Variants in KANK1 observed in about 807,000 individuals in gnomAD.
KANK1 encodes the protein KN motif and ankyrin repeat domain-containing protein 1.
KANK1 carries 109 observed loss-of-function variants against 106.2 expected under a neutral mutation model. The ratio of observed to expected loss-of-function variants is 1.03; its 90% CI spans 0.88 to 1.20. The LOEUF (loss-of-function observed/expected upper bound fraction) is 1.20. KANK1 is among the 50% of genes most tolerant of loss of function. KANK1 has a pLI of 0.00. For synonymous variants in KANK1, 873 were observed against 652.2 expected, an observed-to-expected ratio of 1.34 and a Z score of -5.16; for missense variants, 2,399 against 1,710.7, an observed-to-expected ratio of 1.40 and a Z score of -7.10.
At chr9:586,092 CATT>C (rs1179547533) in intron 1 of KANK1, among the ~76,000 whole-genome samples, 1 of 152,134 alleles carries the variant, frequency 6.6e-6, no homozygotes, top group Non-Finnish European at 1.5e-5. Context: ...CATAAGATGT[CATT>C]ATTATTTTAC....
At chr9:573,813 A>C (rs990040162) in intron 1 of KANK1, among the ~76,000 whole-genome samples, 3 of 151,796 alleles carry the variant, frequency 2.0e-5, no homozygotes, top group Non-Finnish European at 4.4e-5. Context: ...GACTGATGTC[A>C]GAAGGTCAGT....
chr9:696,161 G>A (rs537614478), intron 2 of KANK1, among the ~76,000 whole-genome samples: 3 of 152,168 alleles, frequency 2.0e-5, no homozygotes, highest in African/African-American at 4.8e-5. Context: ...GCGGGCGCCT[G>A]TAGTCCCAGC....
chr9:612,609 A>T (rs140316031), intron 1 of KANK1, among the ~76,000 whole-genome samples: 1 of 152,212 alleles, frequency 6.6e-6, no homozygotes, highest in Admixed American at 6.5e-5. Context: ...TAGGTCAACT[A>T]TCTAGGAATG....
chr9:555,442 C>A (rs1370766193), intron 1 of KANK1, among the ~76,000 whole-genome samples: 4 of 152,300 alleles, frequency 2.6e-5, no homozygotes, highest in East Asian at 3.9e-4. Context: ...ATGGCATAGT[C>A]ACTATACTGC....
At chr9:550,572 A>G (rs574796512) in intron 1 of KANK1, among the ~76,000 whole-genome samples, 5 of 152,250 alleles carry the variant, frequency 3.3e-5, no homozygotes, top group African/African-American at 1.2e-4. Context: ...GCGCCACTGC[A>G]CTCCAGCCTC....
chr9:556,033 A>G (rs1033188637), intron 1 of KANK1, among the ~76,000 whole-genome samples: 2 of 152,178 alleles, frequency 1.3e-5, no homozygotes. Flanking sequence ...TACTGCTGCA[A>G]AGTTGTTGGT....
chr9:721,835 C>G (rs1829419236), intron 3 of KANK1, among the ~76,000 whole-genome samples: 1 of 152,356 alleles, frequency 6.6e-6, no homozygotes, highest in Non-Finnish European at 1.5e-5. Flanking sequence ...CAACCAGACA[C>G]CAGTGAAGGC....
rs1839340668 is a variant in KANK1, at chr9:645,057, GAGGTTGC to G, written c.-83-31830_-83-31824del. ...GAGAATTGTTTGAACCTGGGAGGCA[GAGGTTGC>G]AGTGAGCGGAGATCACACCACTGCA... On this transcript the variant is annotated intron_variant, in intron 1 of 11. Transcript: ENST00000382297. Among the ~76,000 whole-genome samples, 4 of 143,444 alleles carry G rather than the reference GAGGTTGC, an allele frequency of 2.8e-5. No homozygotes were observed. The South Asian group carries it at 8.6e-4, about 31-fold the overall frequency. The allele number at this position is 143,444 out of a possible 152,430, so 94.1% of individuals were successfully genotyped here.
At chr9:551,858 G>A (rs926207208) in intron 1 of KANK1, among the ~76,000 whole-genome samples, 6 of 151,610 alleles carry the variant, frequency 4.0e-5, no homozygotes, top group Non-Finnish European at 8.8e-5. Context: ...GACCACCCTG[G>A]GCAACATAGT....
chr9:644,778 A>G (rs962928581), intron 1 of KANK1, among the ~76,000 whole-genome samples: 1 of 151,122 alleles, frequency 6.6e-6, no homozygotes, highest in Middle Eastern at 3.4e-3. Context: ...TAATATTACT[A>G]TTAACCTGTG....
chr9:615,800 A>T (rs977964886), intron 1 of KANK1, among the ~76,000 whole-genome samples: 1 of 152,238 alleles, frequency 6.6e-6, no homozygotes, highest in African/African-American at 2.4e-5. Flanking sequence ...ATCCCAAGTG[A>T]TACCTAACCT....
At chr9:706,979 A>T in intron 2 of KANK1, 1 of 985,514 alleles carries the variant, frequency 1.0e-6, no homozygotes. Context: ...ACACATTTTC[A>T]GAAGATACCG....
intron 3 of KANK1, among the ~76,000 whole-genome samples, chr9:724,430 C>A (rs1169505170): frequency 6.6e-6 from 1 of 152,124 alleles, no homozygotes; most frequent in Non-Finnish European, 1.5e-5. Context: ...TCAAAACTAT[C>A]ATGTATTTGC....
intron 1 of KANK1, chr9:674,023 T>C (rs1815848309): frequency 6.6e-6 from 1 of 152,126 alleles, no homozygotes; most frequent in African/African-American, 2.4e-5. Flanking sequence ...TTTTTTTGTT[T>C]AAATAAAACT....
At chr9:504,788 T>TGCCGCGCTGCGCCCCGG (rs1201115474) in intron 1 of KANK1, 34 bp downstream of exon 1, 1 of 141,986 alleles carries the variant, frequency 7.0e-6, no homozygotes, top group Non-Finnish European at 1.5e-5. Flanking sequence ...CCGCGCCCCG[T>TGCCGCGCTGCGCCCCGG]GCCGCGGCGA....
At chr9:655,310 G>A (rs1360620696) in intron 1 of KANK1, among the ~76,000 whole-genome samples, 6 of 151,660 alleles carry the variant, frequency 4.0e-5, no homozygotes, top group Admixed American at 1.3e-4. Flanking sequence ...GGCAGAGGTT[G>A]CGGTGAGTGG....
At chr9:622,292 G>A (rs1251022826) in intron 1 of KANK1, among the ~76,000 whole-genome samples, 3 of 152,272 alleles carry the variant, frequency 2.0e-5, no homozygotes, top group South Asian at 2.1e-4. Flanking sequence ...CTTCTTAAGC[G>A]CTGTGTGTTG....
intron 2 of KANK1, chr9:707,284 TG>T (rs1564024679): frequency 1.0e-6 from 1 of 963,418 alleles, no homozygotes; most frequent in Non-Finnish European, 1.2e-6. Context: ...CGGCCACCGC[TG>T]GCCGAATTCC....
chr9:687,728 C>A (rs1284719596), intron 2 of KANK1, among the ~76,000 whole-genome samples: 2 of 152,206 alleles, frequency 1.3e-5, no homozygotes, highest in Admixed American at 1.3e-4. Flanking sequence ...AACAGGCATT[C>A]TCAGATACTC....
Sources: allele counts gnomAD v4.1 joint callset (sites outside exome capture counted in the v4.1 genomes callset), GRCh38; gene constraint gnomAD v4.1.1; transcripts MANE v1.5; gene names NCBI Gene and HGNC (gene_info 2026-07-23, HGNC 2026-07-21).